IQSEC1: variants seen among roughly 807,000 people sequenced by gnomAD.
IQSEC1 encodes IQ motif and Sec7 domain ArfGEF 1, also known as IQ motif and SEC7 domain-containing protein 1.
IQSEC1 carries 31 observed loss-of-function variants against 91.0 expected under a neutral mutation model. The ratio of observed to expected loss-of-function variants is 0.34; its 90% CI spans 0.26 to 0.46. The LOEUF (loss-of-function observed/expected upper bound fraction) is 0.46, where lower values mean the gene tolerates loss of function less well. Ranked by LOEUF, IQSEC1 falls within the 20% of genes least tolerant of loss-of-function variation. The pLI is 1.00. For missense variants in IQSEC1, 1,388 were observed against 1,575.6 expected (o/e 0.88, Z 2.02); for synonymous variants, 699 against 662.6 (o/e 1.05, Z -0.84).
At position 13,118,859 on chromosome 3, in the gene IQSEC1, G is replaced by C. The variant is rs142231207; in HGVS notation, c.302+45245C>G. On this transcript the variant is annotated intron_variant, in intron 2 of 15. Coordinates refer to the IQSEC1 transcript ENST00000648114. The stretch of plus-strand genomic sequence containing the variant: ...GGGAGGCCAAGGTGGTGGGTCACCA[G>C]GTCAAGAGATCAAGATCATCCTGGA... Among the ~76,000 whole-genome samples the C allele has an allele frequency of 1.6e-3, 245 of 152,246 alleles. 1 individual carries two copies. The highest frequency in any genetic ancestry group is 3.3e-3 in the Admixed American group (50 of 15,294).
chr3:13,221,917 C>A (rs1197153812), intron 1 of IQSEC1, among the ~76,000 whole-genome samples: 3 of 152,214 alleles, frequency 2.0e-5, no homozygotes, highest in Admixed American at 6.5e-5. Context: ...TGACCAGGCC[C>A]GCCTGGAGAT....
intron 1 of IQSEC1, among the ~76,000 whole-genome samples, chr3:13,226,170 C>T (rs7649637): frequency 0.018 from 2,678 of 152,270 alleles, 71 homozygotes; most frequent in African/African-American, 0.06. Context: ...TGAGCAACCG[C>T]GCCCAGCCAA....
Position 12,967,659 on chromosome 3 carries a change from C to G in IQSEC1, c.24-25794G>C. The G allele has an allele frequency of 8.4e-7, 1 of 1,187,172 alleles. No homozygotes were observed. Among genetic ancestry groups the G allele is most frequent in the Non-Finnish European group, 1.0e-6 (1 of 960,538 alleles). The allele number at this position is 1,187,172 out of a possible 1,614,324, so 73.5% of individuals were successfully genotyped here. The stretch of plus-strand genomic sequence containing the variant: ...GCCCCAAGTCCGAGCCCCAGGCCAG[C>G]CAAGCCCGCCCCTCCGCCGCCGCCC... On this transcript the variant is annotated intron_variant, in intron 1 of 13. Coordinates refer to ENST00000613206, the MANE Select transcript of IQSEC1 (RefSeq NM_001134382.3). The surrounding 1 kb of genome is among the most constrained non-coding windows in gnomAD (Gnocchi z 5.9).
At chr3:13,019,137 T>C (rs1472219268) in intron 1 of IQSEC1, among the ~76,000 whole-genome samples, 1 of 152,220 alleles carries the variant, frequency 6.6e-6, no homozygotes, top group Non-Finnish European at 1.5e-5. Context: ...GGGCTGCACA[T>C]CTCACAACCT....
At chr3:13,145,417 T>C (rs1394523130) in intron 2 of IQSEC1, among the ~76,000 whole-genome samples, 1 of 152,124 alleles carries the variant, frequency 6.6e-6, no homozygotes, top group East Asian at 1.9e-4. Flanking sequence ...ACATCTGCAG[T>C]CGGTACTCAT....
At chr3:13,006,801 G>A (rs1241713230) in intron 1 of IQSEC1, among the ~76,000 whole-genome samples, 1 of 152,226 alleles carries the variant, frequency 6.6e-6, no homozygotes, top group African/African-American at 2.4e-5. Flanking sequence ...ATGGGCCGCT[G>A]GGGAACTCTA....
intron 1 of IQSEC1, among the ~76,000 whole-genome samples, chr3:13,012,038 G>A (rs1417783434): frequency 1.3e-5 from 2 of 152,184 alleles, no homozygotes; most frequent in Admixed American, 1.3e-4. Context: ...CAGAGGCTGC[G>A]GAGTGGCCAG....
At chr3:12,974,683 C>T (rs1334007604) in intron 1 of IQSEC1, among the ~76,000 whole-genome samples, 1 of 152,260 alleles carries the variant, frequency 6.6e-6, no homozygotes, top group Non-Finnish European at 1.5e-5. Flanking sequence ...TCCCTAAACT[C>T]CCCCCAACAC....
chr3:13,252,021 A>AT (rs1037840635), intron 1 of IQSEC1, among the ~76,000 whole-genome samples: 11 of 152,140 alleles, frequency 7.2e-5, no homozygotes, highest in African/African-American at 2.2e-4. Flanking sequence ...TTTTTCCCCG[A>AT]TTTTTTATTG....
rs150031356 is a variant in IQSEC1 at position 13,042,127 on chromosome 3, T to C, written c.23+30865A>G. Among the ~76,000 whole-genome samples, 563 of 152,362 alleles carry C rather than the reference T, an allele frequency of 3.7e-3. 1 individual carries two copies. Among genetic ancestry groups the C allele is most frequent in the African/African-American group, 0.013 (539 of 41,580 alleles). On this transcript the variant is annotated intron_variant, in intron 1 of 13. Coordinates refer to ENST00000613206, the MANE Select transcript of IQSEC1 (RefSeq NM_001134382.3). ...AGAGGAAAGAATAGTTAAGCCCAGTTGCAAAGTGAACCACGACAAACGCTG... is the reference window on the plus strand; with the variant it reads ...AGAGGAAAGAATAGTTAAGCCCAGTCGCAAAGTGAACCACGACAAACGCTG...
intron 1 of IQSEC1, among the ~76,000 whole-genome samples, chr3:12,942,610 A>G (rs1698860150): frequency 2.0e-5 from 3 of 152,290 alleles, no homozygotes; most frequent in South Asian, 4.1e-4. Context: ...CTCTAAAAAA[A>G]AAAAGAAAAG....
intron 1 of IQSEC1, among the ~76,000 whole-genome samples, chr3:13,201,363 C>T (rs776558937): frequency 1.3e-5 from 2 of 152,192 alleles, no homozygotes; most frequent in Non-Finnish European, 2.9e-5. Context: ...ACAGGTCTCA[C>T]TCTTTCACCC....
At position 12,900,460 on chromosome 3, in the gene IQSEC1, TA is replaced by T; in HGVS notation, c.*522del. The T allele has an allele frequency of 4.3e-6, 3 of 695,568 alleles. No homozygotes were observed. The South Asian group carries it at 1.9e-4, about 45-fold the overall frequency. 43.1% of individuals were successfully genotyped at this position (695,568 alleles called of 1,614,324 possible). ...AAGTACTACCTATACAGTATATATA[TA>T]TATATATTTATATATTTATATATTT... On this transcript the variant is annotated 3_prime_UTR_variant, in exon 14 of 14. Transcript: ENST00000613206.
At chr3:13,196,087 C>A (rs1011313606) in intron 1 of IQSEC1, among the ~76,000 whole-genome samples, 5 of 152,124 alleles carry the variant, frequency 3.3e-5, no homozygotes, top group African/African-American at 1.2e-4. Context: ...GTGCTTTTGT[C>A]CCCTCCCTCT....
intron 1 of IQSEC1, among the ~76,000 whole-genome samples, chr3:13,185,445 C>T (rs17037831): frequency 0.11 from 16,218 of 152,208 alleles, 1,017 homozygotes; most frequent in East Asian, 0.3. Context: ...CTCCCTTGGA[C>T]GTCAGCTTGT....
chr3:13,082,589 T>G (rs544836933), intron 2 of IQSEC1, among the ~76,000 whole-genome samples: 1 of 152,354 alleles, frequency 6.6e-6, no homozygotes, highest in Admixed American at 6.5e-5. Context: ...TGTCAGTCAC[T>G]GGGCTCTCAG....
intron 1 of IQSEC1, among the ~76,000 whole-genome samples, chr3:13,177,785 C>T (rs989205475): frequency 6.6e-6 from 1 of 152,222 alleles, no homozygotes; most frequent in Admixed American, 6.5e-5. Context: ...CACAAATGGC[C>T]ATGCTGCAAG....
At chr3:12,969,287 CCAAAGA>C (rs58384004) in intron 1 of IQSEC1, among the ~76,000 whole-genome samples, 29,111 of 151,924 alleles carry the variant, frequency 0.19, 4,084 homozygotes, top group East Asian at 0.75. Context: ...AGATTTTTCT[CCAAAGA>C]CAATCTACAA....
intron 1 of IQSEC1, among the ~76,000 whole-genome samples, chr3:13,270,283 C>T (rs1320976009): frequency 6.6e-6 from 1 of 152,142 alleles, no homozygotes; most frequent in African/African-American, 2.4e-5. Context: ...TGTTACAGGC[C>T]AACAAATAAA....
Sources: gnomAD v4.1 joint callset for allele counts (sites outside exome capture counted in the v4.1 genomes callset) on GRCh38, gnomAD v4.1.1 for gene constraint, Gnocchi (gnomAD v3.1) non-coding constraint, MANE v1.5 for transcripts, NCBI Gene and HGNC (gene_info 2026-07-23, HGNC 2026-07-21) for gene names.